TRMT11: variants seen among roughly 807,000 people sequenced by gnomAD.
The protein encoded by TRMT11 is tRNA (guanine(10)-N(2))-methyltransferase TRMT11.
Under a neutral mutation model 62.8 loss-of-function variants are expected in TRMT11, and 53 were observed. The ratio of observed to expected loss-of-function variants is 0.84; its 90% CI spans 0.68 to 1.06. The LOEUF (loss-of-function observed/expected upper bound fraction) is 1.06. Ranked by LOEUF, TRMT11 falls within the 50% of genes least tolerant of loss-of-function variation. TRMT11 has a pLI of 0.00. For missense variants in TRMT11, 556 were observed against 553.4 expected (o/e 1.00, Z -0.05); for synonymous variants, 188 against 190.3 (o/e 0.99, Z 0.10).
chr6:126,235,245 G>T, the TRMT11 span, among the ~76,000 whole-genome samples: 1 of 152,094 alleles, frequency 6.6e-6, no homozygotes, highest in Non-Finnish European at 1.5e-5. Context: ...ATGCTTTTAC[G>T]CTGTTTGTGG....
At chr6:126,188,698 A>G (rs1430079893) in intron 1 of TRMT11, among the ~76,000 whole-genome samples, 2 of 152,208 alleles carry the variant, frequency 1.3e-5, no homozygotes. Context: ...AAGAGCATGT[A>G]GACAAGTTTG....
At chr6:126,071,655 CTTT>C (rs373236248) in intron 17 of TRMT11, among the ~76,000 whole-genome samples, 6 of 133,194 alleles carry the variant, frequency 4.5e-5, no homozygotes, top group East Asian at 2.2e-4. Context: ...GTTTGCTTTG[CTTT>C]TTTTTTTTTT....
intron 18 of TRMT11, among the ~76,000 whole-genome samples, chr6:126,113,193 G>A (rs1052883322): frequency 6.6e-6 from 1 of 152,046 alleles, no homozygotes; most frequent in African/African-American, 2.4e-5. Flanking sequence ...ATATTGACCT[G>A]AAGCTGTAGT....
intron 17 of TRMT11, among the ~76,000 whole-genome samples, chr6:126,069,575 C>G (rs1264632985): frequency 6.6e-6 from 1 of 152,206 alleles, no homozygotes; most frequent in Admixed American, 6.5e-5. Flanking sequence ...CTTGTCCGAG[C>G]CATGCACTTG....
intron 17 of TRMT11, among the ~76,000 whole-genome samples, chr6:126,054,504 C>T (rs1341194169): frequency 6.6e-6 from 1 of 152,184 alleles, no homozygotes; most frequent in Non-Finnish European, 1.5e-5. Context: ...TGTTGGCCTC[C>T]TGCACCGAGG....
At chr6:126,271,049 G>A in the TRMT11 span, among the ~76,000 whole-genome samples, 7 of 152,092 alleles carry the variant, frequency 4.6e-5, no homozygotes, top group Non-Finnish European at 1.0e-4. Context: ...TAAAGAGAGA[G>A]AGTGAAATCT....
At chr6:126,146,762 C>G (rs1291893255) in intron 21 of TRMT11, among the ~76,000 whole-genome samples, 1 of 152,180 alleles carries the variant, frequency 6.6e-6, no homozygotes, top group Non-Finnish European at 1.5e-5. Flanking sequence ...AGGTGATCCA[C>G]CTGCCTCAGC....
the TRMT11 span, among the ~76,000 whole-genome samples, chr6:126,227,915 T>C: frequency 2.6e-5 from 4 of 152,126 alleles, no homozygotes; most frequent in Non-Finnish European, 4.4e-5. Flanking sequence ...TGTCCTGTTG[T>C]AAAGGTACAT....
chr6:126,218,230 A>T, the TRMT11 span, among the ~76,000 whole-genome samples: 1 of 152,206 alleles, frequency 6.6e-6, no homozygotes, highest in African/African-American at 2.4e-5. Context: ...CTGAGTCGGT[A>T]CCTAAGCAGC....
chr6:126,034,190 T>C (rs183211007), intron 12 of TRMT11, among the ~76,000 whole-genome samples: 4 of 152,282 alleles, frequency 2.6e-5, no homozygotes, highest in Non-Finnish European at 5.9e-5. Context: ...AGGCTACAAT[T>C]CTGGCAATGC....
the TRMT11 span, chr6:126,258,368 T>G: frequency 5.5e-6 from 2 of 366,288 alleles, no homozygotes; most frequent in Non-Finnish European, 1.1e-5. Flanking sequence ...TGTACGTGCA[T>G]CAGTCCCCTC....
At chr6:126,151,832 TTCTTTC>T (rs1251839578) in intron 21 of TRMT11, among the ~76,000 whole-genome samples, 1 of 134,402 alleles carries the variant, frequency 7.4e-6, no homozygotes, top group Non-Finnish European at 1.6e-5. Context: ...CTTTCTTTCT[TTCTTTC>T]TTTCTTTCTT....
intron 17 of TRMT11, among the ~76,000 whole-genome samples, chr6:126,099,727 A>G (rs1215083238): frequency 6.6e-6 from 1 of 152,234 alleles, no homozygotes; most frequent in Non-Finnish European, 1.5e-5. Context: ...ATCCTGAGTG[A>G]CAGAGCAAGA....
chr6:126,158,241 T>C (rs73773376), intron 21 of TRMT11, among the ~76,000 whole-genome samples: 3,046 of 152,326 alleles, frequency 0.02, 92 homozygotes, highest in African/African-American at 0.067. Flanking sequence ...TTCTTCTCTC[T>C]ACCTCAATCT....
the TRMT11 span, among the ~76,000 whole-genome samples, chr6:126,254,138 T>C: frequency 6.6e-6 from 1 of 152,214 alleles, no homozygotes; most frequent in African/African-American, 2.4e-5. Context: ...TGTAGCATCC[T>C]TCAGCATCAT....
intron 21 of TRMT11, among the ~76,000 whole-genome samples, chr6:126,135,713 T>C (rs1777842321): frequency 6.6e-6 from 1 of 151,736 alleles, no homozygotes; most frequent in African/African-American, 2.4e-5. Context: ...GTATCCCTGA[T>C]GAACACAGAA....
rs562520953 is a variant in TRMT11 at position 126,193,735 on chromosome 6, C to T, written n.144-5064C>T. 8.6e-5 allele frequency among the ~76,000 whole-genome samples: 13 copies of T among 151,850 alleles called. No homozygotes were observed. In the South Asian group the frequency reaches 1.9e-3, roughly 22 times the overall value. ...TTCTTGATCTCCTGACCTCGTGATC[C>T]GCCCGCCTCAGCCTCCCAAAGTGCT... On this transcript the variant is annotated intron_variant and non_coding_transcript_variant, in intron 1 of 3. Coordinates refer to the TRMT11 transcript ENST00000444229.
intron 21 of TRMT11, among the ~76,000 whole-genome samples, chr6:126,164,799 AC>A (rs1468476341): frequency 6.6e-6 from 1 of 150,718 alleles, no homozygotes; most frequent in African/African-American, 2.4e-5. Context: ...TAGGATTGCA[AC>A]CCCTGCTTTT....
intron 17 of TRMT11, among the ~76,000 whole-genome samples, chr6:126,069,850 TGAA>T (rs907217579): frequency 6.6e-6 from 1 of 151,088 alleles, no homozygotes; most frequent in Non-Finnish European, 1.5e-5. Context: ...TTTCTGTAGA[TGAA>T]GGTTTTTTTT....
Sources: gnomAD v4.1 joint callset for allele counts (sites outside exome capture counted in the v4.1 genomes callset) on GRCh38, gnomAD v4.1.1 for gene constraint, MANE v1.5 for transcripts, NCBI Gene and HGNC (gene_info 2026-07-23, HGNC 2026-07-21) for gene names.